NAV1: variants seen among roughly 807,000 people sequenced by gnomAD.
NAV1 encodes neuron navigator 1.
NAV1 carries 18 observed loss-of-function variants against 175.2 expected under a neutral mutation model. The ratio of observed to expected loss-of-function variants is 0.10; its 90% CI spans 0.07 to 0.15. The LOEUF (loss-of-function observed/expected upper bound fraction) is 0.15. Ranked by LOEUF, NAV1 falls within the 10% of genes least tolerant of loss-of-function variation. NAV1 has a pLI of 1.00. For missense variants in NAV1, 1,731 were observed against 2,436.6 expected (o/e 0.71, Z 6.10); for synonymous variants, 897 against 978.7 (o/e 0.92, Z 1.56).
chr1:201,737,410 G>T (rs1234601793), intron 3 of NAV1: 5 of 152,204 alleles, frequency 3.3e-5, no homozygotes, highest in African/African-American at 1.2e-4. Flanking sequence ...CAAGAAGGAG[G>T]TGATTTAGAG....
intron 3 of NAV1, among the ~76,000 whole-genome samples, chr1:201,770,097 T>G (rs1170595691): frequency 1.3e-5 from 2 of 152,166 alleles, no homozygotes; most frequent in Non-Finnish European, 2.9e-5. Context: ...TTCCATGGAA[T>G]AGCTGGGCCT....
rs78491182 is a variant in NAV1, at chr1:201,617,817, T to C, written c.-32-5036T>C. Reference sequence around the variant, plus strand: ...ATGAGGGCCATTGTAGCTAACATTATGCATCTCAAGACAGCAAACATTTTC... The same window carrying C: ...ATGAGGGCCATTGTAGCTAACATTACGCATCTCAAGACAGCAAACATTTTC... On this transcript the variant is annotated intron_variant, in intron 2 of 33. Coordinates refer to the NAV1 transcript ENST00000685211. Among the ~76,000 whole-genome samples the C allele has an allele frequency of 6.4e-3, 975 of 152,322 alleles. 17 individuals are homozygous for C. Among genetic ancestry groups the C allele is most frequent in the African/African-American group, 0.022 (924 of 41,566 alleles).
chr1:201,566,386 C>T (rs1317309077), intron 1 of NAV1, among the ~76,000 whole-genome samples: 1 of 152,140 alleles, frequency 6.6e-6, no homozygotes, highest in African/African-American at 2.4e-5. Context: ...TCCACCAGTA[C>T]CTAGTGATAT....
At chr1:201,793,376 T>C (rs1677232298) in intron 13 of NAV1, 1 of 156,002 alleles carries the variant, frequency 6.4e-6, no homozygotes, top group Non-Finnish European at 1.4e-5. Flanking sequence ...GATTATTTGG[T>C]CCCTTGGGGG....
chr1:201,817,769 C>G (rs1452813272), intron 29 of NAV1, among the ~76,000 whole-genome samples: 1 of 152,196 alleles, frequency 6.6e-6, no homozygotes, highest in Non-Finnish European at 1.5e-5. Context: ...ACTTCTGCTT[C>G]TCCTCTGACG....
chr1:201,819,107 G>A (rs1231592382), intron 29 of NAV1, among the ~76,000 whole-genome samples: 5 of 152,292 alleles, frequency 3.3e-5, no homozygotes, highest in South Asian at 2.1e-4. Context: ...AGAGAAATAG[G>A]TTCATAATAA....
intron 2 of NAV1, among the ~76,000 whole-genome samples, chr1:201,599,577 G>A (rs933078064): frequency 3.3e-5 from 5 of 152,208 alleles, no homozygotes; most frequent in Non-Finnish European, 5.9e-5. Flanking sequence ...GGCAGCCAGC[G>A]AAATCCAGGA....
chr1:201,697,183 A>G (rs1215808565), intron 1 of NAV1, among the ~76,000 whole-genome samples: 1 of 152,204 alleles, frequency 6.6e-6, no homozygotes, highest in Non-Finnish European at 1.5e-5. Flanking sequence ...TTTGGTGAGC[A>G]GTGGAACCAT....
intron 3 of NAV1, among the ~76,000 whole-genome samples, chr1:201,764,899 C>T (rs1675100240): frequency 6.6e-6 from 1 of 152,232 alleles, no homozygotes; most frequent in African/African-American, 2.4e-5. Flanking sequence ...AGAACAAGCA[C>T]AGAAATGCAT....
chr1:201,811,810 C>G, intron 25 of NAV1, 53 bp downstream of exon 29: 1 of 1,608,166 alleles, frequency 6.2e-7, no homozygotes, highest in Non-Finnish European at 8.5e-7. Flanking sequence ...GAGGGAGAAC[C>G]CAGTCCAGGA....
chr1:201,707,834 A>G (rs990303927), intron 1 of NAV1, among the ~76,000 whole-genome samples: 11 of 152,312 alleles, frequency 7.2e-5, no homozygotes, highest in African/African-American at 2.6e-4. Flanking sequence ...GCAGAGTTTT[A>G]TGAGGGTTTC....
intron 3 of NAV1, among the ~76,000 whole-genome samples, chr1:201,757,378 T>C (rs10920252): frequency 0.013 from 1,931 of 152,222 alleles, 45 homozygotes; most frequent in African/African-American, 0.043. Flanking sequence ...CAAGCTGTCT[T>C]CCTTTCTCAC....
At chr1:201,709,159 A>AAC (rs1455819255) in intron 1 of NAV1, among the ~76,000 whole-genome samples, 1 of 151,626 alleles carries the variant, frequency 6.6e-6, no homozygotes, top group Non-Finnish European at 1.5e-5. Context: ...AAAAAAAAAA[A>AAC]AACCATTGAA....
At chr1:201,614,811 T>A (rs1667956310) in intron 2 of NAV1, among the ~76,000 whole-genome samples, 1 of 152,208 alleles carries the variant, frequency 6.6e-6, no homozygotes, top group African/African-American at 2.4e-5. Flanking sequence ...TTACTAGCTG[T>A]GTGATCGTGA....
At chr1:201,683,400 G>C (rs1052854337) in intron 1 of NAV1, among the ~76,000 whole-genome samples, 1 of 152,258 alleles carries the variant, frequency 6.6e-6, no homozygotes, top group African/African-American at 2.4e-5. Context: ...GGGGGATGGG[G>C]TGGAGATGGT....
intron 16 of NAV1, 126 bp downstream of exon 20, chr1:201,803,840 T>A: frequency 4.9e-6 from 6 of 1,230,156 alleles, no homozygotes; most frequent in South Asian, 1.4e-5. Context: ...AGCCCTAGTG[T>A]GATGTCCGCT....
chr1:201,646,900 GTGA>G (rs1668996320), upstream of NAV1, among the ~76,000 whole-genome samples: 1 of 152,204 alleles, frequency 6.6e-6, no homozygotes, highest in Non-Finnish European at 1.5e-5. Flanking sequence ...CAGGCAGCAG[GTGA>G]TGATTAGTGT....
chr1:201,774,278 CTT>C, intron 3 of NAV1, among the ~76,000 whole-genome samples: 1 of 152,326 alleles, frequency 6.6e-6, no homozygotes, highest in East Asian at 1.9e-4. Context: ...GCCCTGTCCT[CTT>C]TACTTTATTC....
chr1:201,718,786 G>C lies in NAV1; in HGVS notation c.1226+31G>C. The C allele has an allele frequency of 6.4e-7, 1 of 1,572,520 alleles. No individual in the cohort carries two copies. On this transcript the variant is annotated intron_variant, in intron 3 of 29. Transcript: ENST00000367296. This position sits in a 1 kb window ranked among gnomAD's most constrained non-coding sequence, Gnocchi z 4.8. ...CGCAGGGGCTTCTTGGATGGCGGGG[G>C]AGGATGGTGGAAAGACCACTGGGAT...
Sources: gnomAD v4.1 joint callset for allele counts (sites outside exome capture counted in the v4.1 genomes callset) on GRCh38, gnomAD v4.1.1 for gene constraint, Gnocchi (gnomAD v3.1) non-coding constraint, MANE v1.5 for transcripts, NCBI Gene and HGNC (gene_info 2026-07-23, HGNC 2026-07-21) for gene names.